Variants in EYA4 observed in about 807,000 individuals in gnomAD.
EYA4 encodes protein phosphatase EYA4.
Under a neutral mutation model 87.9 loss-of-function variants are expected in EYA4, and 31 were observed. The ratio of observed to expected loss-of-function variants is 0.35; its 90% confidence interval spans 0.27 to 0.48. The LOEUF is 0.48. EYA4 is among the 20% of genes least tolerant of loss of function. The pLI is 0.99. For synonymous variants in EYA4, 263 were observed against 270.6 expected, an observed-to-expected ratio of 0.97 and a Z score of 0.28; for missense variants, 678 against 761.4, an observed-to-expected ratio of 0.89 and a Z score of 1.29.
intron 13 of EYA4, among the ~76,000 whole-genome samples, chr6:133,498,310 T>C (rs991459934): frequency 1.2e-4 from 18 of 152,228 alleles, no homozygotes; most frequent in Non-Finnish European, 1.3e-4. Flanking sequence ...AGTACCCATG[T>C]GACCTTGAGT....
At chr6:133,286,020 C>T (rs76996882) in intron 2 of EYA4, among the ~76,000 whole-genome samples, 9,196 of 152,200 alleles carry the variant, frequency 0.06, 794 homozygotes, top group African/African-American at 0.19. Context: ...CCTTACAGTT[C>T]AGCAGGGCCA....
chr6:133,522,822 GT>G, intron 17 of EYA4, among the ~76,000 whole-genome samples: 1 of 152,140 alleles, frequency 6.6e-6, no homozygotes, highest in Non-Finnish European at 1.5e-5. Flanking sequence ...ATAGCATATT[GT>G]TTTGACGAAA....
At chr6:133,276,103 T>C (rs1481815965) in intron 2 of EYA4, among the ~76,000 whole-genome samples, 1 of 152,186 alleles carries the variant, frequency 6.6e-6, no homozygotes, top group South Asian at 2.1e-4. Flanking sequence ...TGTGTGACTA[T>C]GGTGGACTTG....
At chr6:133,439,682 G>A (rs1002449178) in intron 3 of EYA4, among the ~76,000 whole-genome samples, 1 of 152,158 alleles carries the variant, frequency 6.6e-6, no homozygotes, top group Non-Finnish European at 1.5e-5. Flanking sequence ...GTGCCCAGGG[G>A]TCACTATTAT....
chr6:133,385,391 C>CTCTGTGTGTG (rs1167048788), intron 3 of EYA4, among the ~76,000 whole-genome samples: 1 of 115,336 alleles, frequency 8.7e-6, no homozygotes, highest in South Asian at 2.7e-4. Context: ...TATGCTCTCT[C>CTCTGTGTGTG]TGTGTGTGTG....
intron 2 of EYA4, among the ~76,000 whole-genome samples, chr6:133,342,218 G>C (rs1341447391): frequency 6.6e-6 from 1 of 151,684 alleles, no homozygotes; most frequent in Admixed American, 6.6e-5. Flanking sequence ...GGTGGAGTCA[G>C]GTGGCTGGTG....
chr6:133,470,978 A>G (rs1583377117), intron 11 of EYA4, among the ~76,000 whole-genome samples: 1 of 86,444 alleles, frequency 1.2e-5, no homozygotes, highest in African/African-American at 4.4e-5. Flanking sequence ...TTATCAGCTT[A>G]AGGAGATTTT....
At chr6:133,419,217 G>T (rs1256946510) in intron 3 of EYA4, among the ~76,000 whole-genome samples, 3 of 152,172 alleles carry the variant, frequency 2.0e-5, no homozygotes, top group African/African-American at 7.2e-5. Flanking sequence ...TGAACAGTGT[G>T]TCAGCCAGCT....
rs193262213 is a variant in EYA4, at chr6:133,389,754, C to T, written c.83+7313C>T. Among the ~76,000 whole-genome samples the T allele has an allele frequency of 9.2e-5, 14 of 152,302 alleles. No individual in the cohort carries two copies. In the East Asian group the frequency reaches 2.7e-3, roughly 29 times the overall value. ...CTTTTAAGCAATCTTTGACTTCTTG[C>T]TCCCTTTCCTAATCCTGCTGGTCAT... On this transcript the variant is annotated intron_variant, in intron 3 of 19. Coordinates refer to ENST00000355286, the MANE Select transcript of EYA4 (RefSeq NM_004100.5).
intron 13 of EYA4, among the ~76,000 whole-genome samples, chr6:133,499,131 G>T (rs1229958427): frequency 6.6e-6 from 1 of 152,136 alleles, no homozygotes; most frequent in African/African-American, 2.4e-5. Flanking sequence ...TTTGATCTCA[G>T]TTGATGATCA....
At chr6:133,469,410 T>A (rs1050455151) in intron 11 of EYA4, among the ~76,000 whole-genome samples, 1 of 151,970 alleles carries the variant, frequency 6.6e-6, no homozygotes, top group African/African-American at 2.4e-5. Flanking sequence ...AAACTATTTT[T>A]AAAAATAAGA....
In EYA4 at chr6:133,456,658, T is replaced by C; in HGVS notation, c.370+10T>C. ...ACTTTTACTGGGTCAGGTAAAGCCT[T>C]TAGCTCGTGTGTCCTTACGTACACA... On this transcript the variant is annotated intron_variant, in intron 6 of 19. Coordinates refer to ENST00000355286, the MANE Select transcript of EYA4 (RefSeq NM_004100.5). 1 of 1,584,134 alleles carries C rather than the reference T, an allele frequency of 6.3e-7. No homozygotes were observed. The highest frequency in any genetic ancestry group is 8.7e-7 in the Non-Finnish European group (1 of 1,152,932).
chr6:133,488,962 G>A (rs544311245), intron 13 of EYA4, among the ~76,000 whole-genome samples: 6 of 152,178 alleles, frequency 3.9e-5, no homozygotes, highest in East Asian at 1.9e-4. Context: ...TGACCTTTCC[G>A]ATAGAGAATT....
In EYA4 at chr6:133,445,466, T is replaced by C. The variant is rs1180675762; in HGVS notation, c.84-1164T>C. On this transcript the variant is annotated intron_variant, in intron 3 of 19. Transcript: ENST00000355286. ...TATTTGTTATAGTTCAGGTTGTTGGTGAGAAATTCTCTCAACTTTTATTGA... is the reference window on the plus strand; with the variant it reads ...TATTTGTTATAGTTCAGGTTGTTGGCGAGAAATTCTCTCAACTTTTATTGA... Among the ~76,000 whole-genome samples the C allele has an allele frequency of 2.6e-5, 4 of 152,196 alleles. No individual in the cohort carries two copies. The South Asian group carries it at 8.3e-4, about 31-fold the overall frequency.
intron 3 of EYA4, among the ~76,000 whole-genome samples, chr6:133,436,132 T>C (rs1448517529): frequency 6.6e-6 from 1 of 151,942 alleles, no homozygotes; most frequent in Non-Finnish European, 1.5e-5. Context: ...GGCAGGAGAA[T>C]TGCTTGAACT....
intron 2 of EYA4, among the ~76,000 whole-genome samples, chr6:133,306,967 A>C (rs1423190202): frequency 6.6e-6 from 1 of 152,258 alleles, no homozygotes; most frequent in Non-Finnish European, 1.5e-5. Flanking sequence ...CATTTATTGC[A>C]CACACAGTAA....
intron 3 of EYA4, among the ~76,000 whole-genome samples, chr6:133,384,387 C>T (rs1348241664): frequency 6.6e-6 from 1 of 152,070 alleles, no homozygotes; most frequent in East Asian, 1.9e-4. Context: ...GGAAAAGTAG[C>T]CAGAGTTCCT....
chr6:133,422,287 C>T (rs1790286633), intron 3 of EYA4, among the ~76,000 whole-genome samples: 1 of 152,156 alleles, frequency 6.6e-6, no homozygotes, highest in Admixed American at 6.5e-5. Flanking sequence ...AGTGCATTCA[C>T]ATTATATTTT....
At chr6:133,459,918 A>G (rs1794230099) in intron 6 of EYA4, among the ~76,000 whole-genome samples, 1 of 152,118 alleles carries the variant, frequency 6.6e-6, no homozygotes, top group Non-Finnish European at 1.5e-5. Flanking sequence ...CATTATCGCT[A>G]TGAAAATGAA....
Sources: allele counts gnomAD v4.1 joint callset (sites outside exome capture counted in the v4.1 genomes callset), GRCh38; gene constraint gnomAD v4.1.1; transcripts MANE v1.5; gene names NCBI Gene and HGNC (gene_info 2026-07-23, HGNC 2026-07-21).